The following TSGA10 variants were observed in gnomAD, a reference collection of about 807,000 sequenced individuals.
TSGA10 encodes the protein testis specific 10, also known as testis-specific gene 10 protein.
Under a neutral mutation model 96.6 loss-of-function variants are expected in TSGA10, and 43 were observed. The ratio of observed to expected loss-of-function variants is 0.44; its 90% CI spans 0.35 to 0.57. TSGA10 has a LOEUF of 0.57. TSGA10 is among the 20% of genes least tolerant of loss of function. The probability of loss-of-function intolerance (pLI) is 0.01; values close to 1 mark genes in which losing one functional copy is unlikely to be tolerated. For missense variants in TSGA10, 703 were observed against 834.4 expected (o/e 0.84, Z 1.94); for synonymous variants, 229 against 269.9 (o/e 0.85, Z 1.48).
chr2:99,040,168 A>G (rs187606023), intron 16 of TSGA10, among the ~76,000 whole-genome samples: 10 of 152,312 alleles, frequency 6.6e-5, no homozygotes, highest in East Asian at 5.8e-4. Flanking sequence ...AATATTACCG[A>G]ATGGGGAAAA....
chr2:99,023,386 A>G (rs982924541), intron 17 of TSGA10, among the ~76,000 whole-genome samples: 5 of 151,286 alleles, frequency 3.3e-5, no homozygotes, highest in Admixed American at 1.3e-4. Context: ...TGATGATATC[A>G]TTTGCAGCAC....
At chr2:99,086,701 T>C (rs566498034) in intron 10 of TSGA10, among the ~76,000 whole-genome samples, 1 of 152,312 alleles carries the variant, frequency 6.6e-6, no homozygotes, top group East Asian at 1.9e-4. Context: ...CTGTTCTCAT[T>C]CTTCTGTTGA....
At chr2:99,111,830 C>T (rs7577477) in intron 4 of TSGA10, among the ~76,000 whole-genome samples, 89,535 of 151,922 alleles carry the variant, frequency 0.59, 27,370 homozygotes, top group East Asian at 0.88. Flanking sequence ...CAGGTCTACT[C>T]TGAATGTGTT....
intron 15 of TSGA10, among the ~76,000 whole-genome samples, chr2:99,066,698 C>G (rs2085304457): frequency 6.6e-6 from 1 of 152,088 alleles, no homozygotes; most frequent in South Asian, 2.1e-4. Context: ...TCATATCCTC[C>G]CATAGAGGCC....
chr2:99,016,231 C>CTAAT (rs1431483331), intron 20 of TSGA10, among the ~76,000 whole-genome samples: 1 of 152,146 alleles, frequency 6.6e-6, no homozygotes, highest in African/African-American at 2.4e-5. Context: ...CATCACATTA[C>CTAAT]CTGACTTCAA....
intron 20 of TSGA10, 87 bp from the exon 21 acceptor site, chr2:98,998,308 T>C: frequency 9.3e-7 from 1 of 1,081,014 alleles, no homozygotes; most frequent in Non-Finnish European, 1.4e-6. Context: ...AGTGTATCAC[T>C]TCAGCAAAAC....
At chr2:99,117,495 A>T (rs2092341061) in intron 4 of TSGA10, 49 bp downstream of exon 4, 6 of 869,244 alleles carry the variant, frequency 6.9e-6, no homozygotes, top group Non-Finnish European at 8.3e-6. Context: ...TAAAAATTAC[A>T]TGATGTTTAA....
intron 20 of TSGA10, 93 bp downstream of exon 20, chr2:99,018,107 G>A: frequency 7.8e-7 from 1 of 1,279,650 alleles, no homozygotes; most frequent in Non-Finnish European, 1.1e-6. Context: ...CACTATTAAA[G>A]ATAGACTATT....
chr2:99,119,927 T>C (rs1316937374), intron 2 of TSGA10, among the ~76,000 whole-genome samples: 1 of 152,210 alleles, frequency 6.6e-6, no homozygotes, highest in Non-Finnish European at 1.5e-5. Flanking sequence ...TGGCTTTTCC[T>C]ATGCCATGTT....
chr2:99,042,209 G>A (rs2082262502), intron 16 of TSGA10, among the ~76,000 whole-genome samples: 1 of 152,100 alleles, frequency 6.6e-6, no homozygotes, highest in Non-Finnish European at 1.5e-5. Flanking sequence ...CTTGGCCAGT[G>A]TTATATTGTT....
chr2:98,998,279 T>C (rs1354743113), intron 20 of TSGA10, 58 bp from the exon 21 acceptor site: 149 of 1,432,950 alleles, frequency 1.0e-4, no homozygotes, highest in Non-Finnish European at 1.4e-4. Context: ...TCAACATGTG[T>C]AACAAATTTA....
chr2:99,009,617 G>A (rs554884944), intron 20 of TSGA10, among the ~76,000 whole-genome samples: 14 of 150,740 alleles, frequency 9.3e-5, no homozygotes, highest in Non-Finnish European at 1.5e-4. Context: ...GTTTATTGTG[G>A]TGACATCGGT....
chr2:99,115,924 A>G (rs2092229057), intron 4 of TSGA10, among the ~76,000 whole-genome samples: 1 of 152,068 alleles, frequency 6.6e-6, no homozygotes, highest in African/African-American at 2.4e-5. Flanking sequence ...ACTAATTTAA[A>G]CTCATCCATT....
intron 1 of TSGA10, among the ~76,000 whole-genome samples, chr2:99,135,362 C>A (rs184391078): frequency 5.7e-4 from 87 of 152,336 alleles, no homozygotes; most frequent in African/African-American, 1.9e-3. Flanking sequence ...TCGAACTTCC[C>A]ACCAGCTTTG....
chr2:99,024,291 T>G (rs984942495), intron 17 of TSGA10, among the ~76,000 whole-genome samples: 1 of 152,124 alleles, frequency 6.6e-6, no homozygotes, highest in African/African-American at 2.4e-5. Context: ...GGTTTCACCA[T>G]GTTAGCCAGG....
chr2:99,055,802 G>A (rs1405072904), intron 16 of TSGA10, among the ~76,000 whole-genome samples: 5 of 147,468 alleles, frequency 3.4e-5, no homozygotes, highest in East Asian at 2.0e-4. Flanking sequence ...GCAGTGAGCC[G>A]TGATTGCACC....
intron 1 of TSGA10, among the ~76,000 whole-genome samples, chr2:99,131,003 T>C (rs2093053755): frequency 1.3e-5 from 2 of 152,166 alleles, no homozygotes; most frequent in Admixed American, 1.3e-4. Context: ...TATATCTGTT[T>C]TGGTACCAGT....
At chr2:99,086,594 T>C (rs904532538) in intron 10 of TSGA10, among the ~76,000 whole-genome samples, 6 of 152,144 alleles carry the variant, frequency 3.9e-5, no homozygotes, top group Admixed American at 3.3e-4. Flanking sequence ...CTTTTTCCAA[T>C]CTCATAATAG....
At chr2:99,121,065 C>A in intron 2 of TSGA10, among the ~76,000 whole-genome samples, 1 of 152,080 alleles carries the variant, frequency 6.6e-6, no homozygotes, top group East Asian at 1.9e-4. Flanking sequence ...TAACCATTCA[C>A]CAATTAAGGA....
Sources: allele counts gnomAD v4.1 joint callset (sites outside exome capture counted in the v4.1 genomes callset), GRCh38; gene constraint gnomAD v4.1.1; transcripts MANE v1.5; gene names NCBI Gene and HGNC (gene_info 2026-07-23, HGNC 2026-07-21).